PTPRD: variants seen among roughly 807,000 people sequenced by gnomAD.
PTPRD encodes protein tyrosine phosphatase receptor type D.
PTPRD carries 34 observed loss-of-function variants against 214.5 expected under a neutral mutation model. The observed-to-expected ratio is 0.16, with a 90% CI of 0.12 to 0.21. The LOEUF (loss-of-function observed/expected upper bound fraction) is 0.21. PTPRD is among the 10% of genes least tolerant of loss of function. The probability of loss-of-function intolerance (pLI) is 1.00; values close to 1 mark genes in which losing one functional copy is unlikely to be tolerated. For missense variants in PTPRD, 2,545 were observed against 2,398.7 expected (o/e 1.06, Z -1.27); for synonymous variants, 1,128 against 845.7 (o/e 1.33, Z -5.79).
chr9:8,502,516 T>C (rs568900956), intron 23 of PTPRD, among the ~76,000 whole-genome samples: 23 of 152,234 alleles, frequency 1.5e-4, no homozygotes, highest in Middle Eastern at 6.8e-3. Flanking sequence ...GAAATCCTCA[T>C]AGGACAGCCT....
intron 4 of PTPRD, among the ~76,000 whole-genome samples, chr9:9,958,018 T>A (rs371542510): frequency 7.0e-6 from 1 of 142,152 alleles, no homozygotes; most frequent in Non-Finnish European, 1.6e-5. Flanking sequence ...GGAAGTTCAT[T>A]TGTGTATGTG....
At chr9:9,015,710 A>T (rs2099532016) in intron 11 of PTPRD, among the ~76,000 whole-genome samples, 1 of 152,136 alleles carries the variant, frequency 6.6e-6, no homozygotes, top group African/African-American at 2.4e-5. Context: ...CTGTAACAAA[A>T]TAATTTATTT....
At chr9:9,357,064 C>T (rs1718704336) in intron 9 of PTPRD, among the ~76,000 whole-genome samples, 1 of 151,184 alleles carries the variant, frequency 6.6e-6, no homozygotes, top group African/African-American at 2.4e-5. Flanking sequence ...TTTATCAATC[C>T]GTCAGTAGAC....
intron 7 of PTPRD, among the ~76,000 whole-genome samples, chr9:9,640,085 C>T (rs950318001): frequency 2.6e-5 from 4 of 152,088 alleles, no homozygotes; most frequent in African/African-American, 9.7e-5. Context: ...AGACCCATAC[C>T]GAAACTTTCA....
intron 11 of PTPRD, among the ~76,000 whole-genome samples, chr9:8,886,569 G>A (rs1003591302): frequency 2.6e-5 from 4 of 152,102 alleles, no homozygotes; most frequent in Admixed American, 1.3e-4. Context: ...GATTTCTCGA[G>A]TTTTCTTAAA....
intron 11 of PTPRD, among the ~76,000 whole-genome samples, chr9:8,868,625 T>A (rs1412762036): frequency 6.6e-6 from 1 of 152,162 alleles, no homozygotes. Flanking sequence ...ATCTTTAAAG[T>A]TGTTTCTTTT....
At chr9:9,799,017 G>A (rs765319470) in intron 5 of PTPRD, among the ~76,000 whole-genome samples, 13 of 152,152 alleles carry the variant, frequency 8.5e-5, no homozygotes, top group Admixed American at 5.2e-4. Context: ...ACTTATTAAC[G>A]TAACATCAGA....
At chr9:9,211,649 ATAAT>A (rs1398598264) in intron 9 of PTPRD, among the ~76,000 whole-genome samples, 4 of 152,306 alleles carry the variant, frequency 2.6e-5, no homozygotes, top group African/African-American at 9.6e-5. Flanking sequence ...AAGAGCCTTA[ATAAT>A]TAGATTCTTA....
At chr9:9,676,077 A>G (rs189781420) in intron 7 of PTPRD, among the ~76,000 whole-genome samples, 41 of 152,228 alleles carry the variant, frequency 2.7e-4, no homozygotes, top group Admixed American at 6.6e-4. Flanking sequence ...TTATCTCAAA[A>G]TATATTCTAA....
chr9:8,401,213 G>A (rs146194934), intron 36 of PTPRD, among the ~76,000 whole-genome samples: 1 of 151,178 alleles, frequency 6.6e-6, no homozygotes, highest in Non-Finnish European at 1.5e-5. Flanking sequence ...TGCCCAAGCT[G>A]GAGTGCAGTG....
intron 9 of PTPRD, among the ~76,000 whole-genome samples, chr9:9,327,003 C>G (rs1450340538): frequency 6.6e-6 from 1 of 152,028 alleles, no homozygotes; most frequent in Admixed American, 6.6e-5. Flanking sequence ...AGCCACAAAG[C>G]TAAAGGGACA....
intron 14 of PTPRD, among the ~76,000 whole-genome samples, chr9:8,630,249 A>C (rs1302887828): frequency 6.6e-6 from 1 of 151,842 alleles, no homozygotes; most frequent in Non-Finnish European, 1.5e-5. Flanking sequence ...TCTACTGCAG[A>C]ACAGAGTGCC....
chr9:10,088,008 G>A (rs1281407867), intron 3 of PTPRD, among the ~76,000 whole-genome samples: 2 of 151,694 alleles, frequency 1.3e-5, no homozygotes, highest in Admixed American at 1.3e-4. Context: ...TAATATGCTT[G>A]CAATACTTAG....
chr9:10,606,687 G>T (rs1447593847), intron 2 of PTPRD, among the ~76,000 whole-genome samples: 2 of 151,812 alleles, frequency 1.3e-5, no homozygotes, highest in East Asian at 3.9e-4. Context: ...ACAAGGGAAT[G>T]GAAGTATTCC....
rs1340484800 is a variant in PTPRD at position 9,387,879 on chromosome 9, A to C, written c.-203+9570T>G. On this transcript the variant is annotated intron_variant, in intron 9 of 45. Transcript: ENST00000381196. Reference sequence around the variant, plus strand: ...TTCATTTTCATTATGGTAAAAATGAATGTTTACAGCTGAAGCCCCAGTGGG... The same window carrying C: ...TTCATTTTCATTATGGTAAAAATGACTGTTTACAGCTGAAGCCCCAGTGGG... Among the ~76,000 whole-genome samples, 8 of 152,146 alleles carry C rather than the reference A, an allele frequency of 5.3e-5. No individual in the cohort carries two copies. In the East Asian group the frequency reaches 1.5e-3, roughly 29 times the overall value.
At chr9:9,630,557 G>A (rs751281355) in intron 7 of PTPRD, among the ~76,000 whole-genome samples, 4 of 152,126 alleles carry the variant, frequency 2.6e-5, no homozygotes, top group Non-Finnish European at 4.4e-5. Flanking sequence ...AATAAGAAAT[G>A]TTTATTAACC....
At chr9:10,143,157 G>C (rs1353189326) in intron 3 of PTPRD, among the ~76,000 whole-genome samples, 1 of 152,052 alleles carries the variant, frequency 6.6e-6, no homozygotes, top group Non-Finnish European at 1.5e-5. Flanking sequence ...ATAGCATTGG[G>C]AGATATACCT....
At chr9:9,524,921 A>C (rs958680590) in intron 8 of PTPRD, among the ~76,000 whole-genome samples, 3 of 152,268 alleles carry the variant, frequency 2.0e-5, no homozygotes, top group Non-Finnish European at 2.9e-5. Flanking sequence ...ACAGTGGCGC[A>C]ATCTCGGCTC....
chr9:10,270,494 G>C (rs1446697660), intron 3 of PTPRD, among the ~76,000 whole-genome samples: 1 of 152,136 alleles, frequency 6.6e-6, no homozygotes, highest in East Asian at 1.9e-4. Context: ...ATCTGTCAGA[G>C]AGGGCTGTGC....
Sources: allele counts gnomAD v4.1 joint callset (sites outside exome capture counted in the v4.1 genomes callset), GRCh38; gene constraint gnomAD v4.1.1; transcripts MANE v1.5; gene names NCBI Gene and HGNC (gene_info 2026-07-23, HGNC 2026-07-21).